The following B4GALT1 variants were observed in gnomAD, a reference collection of about 807,000 sequenced individuals.
B4GALT1 encodes N-acetyllactosamine synthase.
A neutral mutation model predicts 34.9 loss-of-function variants in B4GALT1; 16 were observed. That is an observed-to-expected ratio of 0.46 (90% CI 0.31 to 0.70). The LOEUF (loss-of-function observed/expected upper bound fraction) is 0.70, where lower values mean the gene tolerates loss of function less well. Among genes scored for constraint, B4GALT1 ranks in the 30% least tolerant of loss-of-function variants. The pLI is 0.05. For missense variants in B4GALT1, 445 were observed against 530.5 expected (o/e 0.84, Z 1.58); for synonymous variants, 221 against 218.1 (o/e 1.01, Z -0.12).
At chr9:33,150,144 G>T (rs57900632) in intron 1 of B4GALT1, among the ~76,000 whole-genome samples, 20,086 of 148,774 alleles carry the variant, frequency 0.14, 1,430 homozygotes, top group Middle Eastern at 0.18. Flanking sequence ...TATAGATATA[G>T]ATATATACAC....
At chr9:33,153,844 C>T (rs191209068) in intron 1 of B4GALT1, among the ~76,000 whole-genome samples, 14 of 152,068 alleles carry the variant, frequency 9.2e-5, no homozygotes, top group African/African-American at 3.4e-4. Flanking sequence ...GAACACTTCC[C>T]TACTCATTTT....
chr9:33,151,591 G>T (rs1564051269), intron 1 of B4GALT1, among the ~76,000 whole-genome samples: 1 of 152,178 alleles, frequency 6.6e-6, no homozygotes, highest in Admixed American at 6.5e-5. Context: ...CCTTTCAGAT[G>T]TAAGTGAAAT....
At chr9:33,126,422 G>A (rs997850550) in intron 2 of B4GALT1, among the ~76,000 whole-genome samples, 2 of 152,142 alleles carry the variant, frequency 1.3e-5, no homozygotes, top group African/African-American at 4.8e-5. Context: ...CACAGCAGTT[G>A]GGCTCTAGTT....
intron 1 of B4GALT1, among the ~76,000 whole-genome samples, chr9:33,143,634 T>C (rs1411740887): frequency 2.6e-5 from 4 of 152,258 alleles, no homozygotes; most frequent in Admixed American, 2.0e-4. Context: ...ACAAGCACTG[T>C]AGGTAACTGC....
the B4GALT1 span, among the ~76,000 whole-genome samples, chr9:33,181,281 C>CGTG: frequency 1.3e-5 from 2 of 151,984 alleles, no homozygotes; most frequent in African/African-American, 4.8e-5. Context: ...ATTAGCCAGG[C>CGTG]GTGGTGGTGG....
intron 1 of B4GALT1, among the ~76,000 whole-genome samples, chr9:33,158,524 C>G (rs1187206206): frequency 1.3e-5 from 2 of 152,188 alleles, no homozygotes. Flanking sequence ...AGGTGTGCAA[C>G]TTTTGGAATT....
intron 3 of B4GALT1, among the ~76,000 whole-genome samples, chr9:33,116,376 C>T (rs531631055): frequency 1.3e-5 from 2 of 152,018 alleles, no homozygotes; most frequent in South Asian, 2.1e-4. Flanking sequence ...GGACTACAGG[C>T]GCCTGCCACC....
At chr9:33,145,651 G>A (rs1011545548) in intron 1 of B4GALT1, among the ~76,000 whole-genome samples, 4 of 148,414 alleles carry the variant, frequency 2.7e-5, no homozygotes, top group African/African-American at 1.0e-4. Flanking sequence ...CAGGAAGACA[G>A]ACTTCCTCAA....
At position 33,136,880 on chromosome 9, in the gene B4GALT1, G is replaced by A. The variant is rs578219269; in HGVS notation, c.413-1456C>T. On this transcript the variant is annotated intron_variant, in intron 1 of 5. Coordinates refer to ENST00000379731, the MANE Select transcript of B4GALT1 (RefSeq NM_001497.4). The stretch of plus-strand genomic sequence containing the variant: ...AGCCTGCCCTGTTTATCAATAACGC[G>A]TGGCTCTCCAAGCACCCCCTACTCC... 4.3e-4 allele frequency among the ~76,000 whole-genome samples: 65 copies of A among 152,284 alleles called. 2 individuals are homozygous for A. In the South Asian group the frequency reaches 0.012, roughly 27 times the overall value.
At chr9:33,176,127 C>G in the B4GALT1 span, among the ~76,000 whole-genome samples, 1 of 152,220 alleles carries the variant, frequency 6.6e-6, no homozygotes. Flanking sequence ...GCTCTTATCT[C>G]TACCCTTGGA....
intron 1 of B4GALT1, among the ~76,000 whole-genome samples, chr9:33,136,728 G>A (rs1840277865): frequency 6.6e-6 from 1 of 152,174 alleles, no homozygotes; most frequent in Non-Finnish European, 1.5e-5. Flanking sequence ...AGCTTCACCT[G>A]TGAAGCAAAT....
At chr9:33,170,851 C>T (rs565874698), upstream of B4GALT1, among the ~76,000 whole-genome samples, 47 of 152,352 alleles carry the variant, frequency 3.1e-4, no homozygotes, top group South Asian at 9.5e-3. Context: ...CTCTCTACTT[C>T]GTCAGGTGAA....
chr9:33,111,287 A>C lies in B4GALT1; in HGVS notation c.*2167T>G. On this transcript the variant is annotated 3_prime_UTR_variant, in exon 6 of 6. Transcript: ENST00000379731. ...AAAAAAAAAAAAAAAAACAACAAGA[A>C]AAGGTAGAGTTTGGTTTTAAGAGTA... 6.9e-6 allele frequency: 1 copy of C among 144,916 alleles called. No homozygotes were observed. The highest frequency in any genetic ancestry group is 1.5e-5 in the Non-Finnish European group (1 of 65,870). The allele number at this position is 144,916 out of a possible 1,614,324, so 9.0% of individuals were successfully genotyped here.
intron 1 of B4GALT1, among the ~76,000 whole-genome samples, chr9:33,143,881 CTT>C (rs72218508): frequency 3.4e-5 from 5 of 145,516 alleles, no homozygotes; most frequent in Non-Finnish European, 3.0e-5. Context: ...GTTTGAATAT[CTT>C]TTTTTTTTTT....
rs1839934881 is a variant in B4GALT1 at position 33,116,175 on chromosome 9, T to C, written c.837-62A>G. On this transcript the variant is annotated intron_variant, in intron 3 of 5. Transcript: ENST00000379731. The stretch of plus-strand genomic sequence containing the variant: ...TAGTTAAGTTCTGACATCCCCAAAA[T>C]AAAGCTTGCTGAGAACATAAACACT... 1.4e-5 allele frequency: 22 copies of C among 1,581,888 alleles called. No homozygotes were observed. The South Asian group carries it at 2.5e-4, about 18-fold the overall frequency.
At chr9:33,113,941 G>A (rs1006857529) in intron 4 of B4GALT1, 63 bp from the exon 5 acceptor site, 54 of 1,462,048 alleles carry the variant, frequency 3.7e-5, no homozygotes, top group South Asian at 5.7e-5. Context: ...TGAGAGCCCC[G>A]GCTGCAAGAC....
At chr9:33,154,082 T>C (rs1205166174) in intron 1 of B4GALT1, among the ~76,000 whole-genome samples, 3 of 151,300 alleles carry the variant, frequency 2.0e-5, no homozygotes, top group Non-Finnish European at 4.4e-5. Context: ...CAGACCACTA[T>C]CTGTTATGAA....
the B4GALT1 span, among the ~76,000 whole-genome samples, chr9:33,175,017 ATAT>A: frequency 2.1e-4 from 19 of 90,694 alleles, 2 homozygotes; most frequent in African/African-American, 3.0e-4. Context: ...ATATATATAT[ATAT>A]AAAATTGGAG....
At chr9:33,144,143 C>T (rs1307936458) in intron 1 of B4GALT1, among the ~76,000 whole-genome samples, 3 of 152,168 alleles carry the variant, frequency 2.0e-5, no homozygotes, top group African/African-American at 7.2e-5. Flanking sequence ...CTTGGCCTCC[C>T]AAAGTGTTGG....
Sources: gnomAD v4.1 joint callset for allele counts (sites outside exome capture counted in the v4.1 genomes callset) on GRCh38, gnomAD v4.1.1 for gene constraint, MANE v1.5 for transcripts, NCBI Gene and HGNC (gene_info 2026-07-23, HGNC 2026-07-21) for gene names.